EIF4G3: variants seen among roughly 807,000 people sequenced by gnomAD.
EIF4G3 encodes the protein eukaryotic translation initiation factor 4 gamma 3.
Under a neutral mutation model 186.4 loss-of-function variants are expected in EIF4G3, and 34 were observed. The observed-to-expected ratio is 0.18, with a 90% CI of 0.14 to 0.24. EIF4G3 has a LOEUF of 0.24. Ranked by LOEUF, EIF4G3 falls within the 10% of genes least tolerant of loss-of-function variation. EIF4G3 has a pLI of 1.00. For synonymous variants in EIF4G3, 673 were observed against 679.5 expected (o/e 0.99, Z 0.15); for missense variants, 1,536 against 1,948.5 (o/e 0.79, Z 3.99).
chr1:21,105,755 C>G (rs985035153), intron 2 of EIF4G3, among the ~76,000 whole-genome samples: 1 of 152,036 alleles, frequency 6.6e-6, no homozygotes, highest in Non-Finnish European at 1.5e-5. Context: ...AGGTGGGAAA[C>G]AGCTGTGATC....
At chr1:21,175,937 C>T in intron 2 of EIF4G3, 1 of 218,460 alleles carries the variant, frequency 4.6e-6, no homozygotes, top group East Asian at 1.0e-4. Context: ...GAAGGGGCTG[C>T]AGAAGCATGG....
intron 13 of EIF4G3, among the ~76,000 whole-genome samples, chr1:20,944,807 G>A (rs1472157200): frequency 1.3e-5 from 2 of 149,842 alleles, no homozygotes; most frequent in East Asian, 2.0e-4. Flanking sequence ...GGCCAAGGGG[G>A]AGGATCACTT....
At chr1:20,939,116 T>TAA (rs3051247) in intron 14 of EIF4G3, among the ~76,000 whole-genome samples, 56,853 of 129,606 alleles carry the variant, frequency 0.44, 13,023 homozygotes, top group East Asian at 0.75. Context: ...TAAAAAAAAT[T>TAA]AAAAAAAAAA....
At chr1:21,131,372 T>C (rs1283936690) in intron 2 of EIF4G3, among the ~76,000 whole-genome samples, 3 of 129,486 alleles carry the variant, frequency 2.3e-5, no homozygotes, top group African/African-American at 8.7e-5. Context: ...AATGGTATAA[T>C]ATATGTATAA....
At chr1:21,092,465 T>A (rs1424130645) in intron 2 of EIF4G3, among the ~76,000 whole-genome samples, 5 of 152,152 alleles carry the variant, frequency 3.3e-5, no homozygotes, top group Non-Finnish European at 7.4e-5. Context: ...GTTGTCAGGC[T>A]TTGGTATCAG....
At chr1:20,837,515 T>C (rs1413538924) in intron 30 of EIF4G3, among the ~76,000 whole-genome samples, 1 of 152,180 alleles carries the variant, frequency 6.6e-6, no homozygotes, top group Non-Finnish European at 1.5e-5. Context: ...GCTTTCTGCT[T>C]TCTAACCTTC....
At chr1:21,143,601 C>G (rs960185015) in intron 2 of EIF4G3, among the ~76,000 whole-genome samples, 4 of 151,960 alleles carry the variant, frequency 2.6e-5, no homozygotes, top group African/African-American at 9.7e-5. Context: ...TTCTGTAGCA[C>G]AAAATAAATT....
intron 31 of EIF4G3, 56 bp downstream of exon 31, chr1:20,829,091 G>GT: frequency 6.3e-7 from 1 of 1,577,518 alleles, no homozygotes; most frequent in Non-Finnish European, 8.7e-7. Flanking sequence ...GAGCTAGCAA[G>GT]TGAGTTATTA....
chr1:21,086,148 T>C (rs1179865681), intron 3 of EIF4G3, among the ~76,000 whole-genome samples: 1 of 151,512 alleles, frequency 6.6e-6, no homozygotes, highest in Non-Finnish European at 1.5e-5. Context: ...CAATAGGTGT[T>C]ACTGAGCCTT....
intron 2 of EIF4G3, among the ~76,000 whole-genome samples, chr1:21,170,163 T>G (rs2097927943): frequency 6.8e-6 from 1 of 146,094 alleles, no homozygotes; most frequent in Non-Finnish European, 1.5e-5. Context: ...GCGACAAGAG[T>G]GAAACTCCAT....
At chr1:21,173,169 G>A (rs1462011464) in intron 2 of EIF4G3, among the ~76,000 whole-genome samples, 25 of 128,030 alleles carry the variant, frequency 2.0e-4, no homozygotes, top group Admixed American at 3.2e-4. Context: ...AAAAAAAGAC[G>A]TGGGTTCCAA....
At chr1:20,980,994 C>A (rs891432498) in intron 9 of EIF4G3, 54 bp downstream of exon 9, 107 of 1,375,590 alleles carry the variant, frequency 7.8e-5, no homozygotes, top group Middle Eastern at 5.4e-4. Flanking sequence ...TGATGTGAAT[C>A]CGGGTTAATT....
intron 14 of EIF4G3, among the ~76,000 whole-genome samples, chr1:20,913,223 A>G (rs2093451716): frequency 6.6e-6 from 1 of 152,198 alleles, no homozygotes; most frequent in South Asian, 2.1e-4. Context: ...TCCTAGCACT[A>G]GAAACAAAAC....
rs796684581 is a variant in EIF4G3, at chr1:20,839,764, C to T, written c.4061+1092G>A. 5.3e-5 allele frequency among the ~76,000 whole-genome samples: 8 copies of T among 152,244 alleles called. 1 individual carries two copies. Among genetic ancestry groups the T allele is most frequent in the African/African-American group, 1.2e-4 (5 of 41,534 alleles). ...TCAGCCTCCCAAAGTGCTGGGATTA[C>T]AGGTGTGAGCCACTGCACCTGGCCA... On this transcript the variant is annotated intron_variant, in intron 30 of 36. Coordinates refer to ENST00000602326, the MANE Select transcript of EIF4G3 (RefSeq NM_001391906.1).
At chr1:20,927,307 G>C (rs2094974331) in intron 14 of EIF4G3, among the ~76,000 whole-genome samples, 1 of 152,096 alleles carries the variant, frequency 6.6e-6, no homozygotes, top group South Asian at 2.1e-4. Flanking sequence ...TGGGAGATTT[G>C]CAAAAAGATT....
chr1:20,875,971 C>A (rs1236785192), intron 20 of EIF4G3, among the ~76,000 whole-genome samples: 1 of 151,732 alleles, frequency 6.6e-6, no homozygotes, highest in Non-Finnish European at 1.5e-5. Context: ...TCTATGGTGC[C>A]AACACTTTGG....
rs1287213263 is a variant in EIF4G3, at chr1:21,093,506, C to T, written c.-271-4293G>A. 5.3e-5 allele frequency among the ~76,000 whole-genome samples: 8 copies of T among 151,768 alleles called. No homozygotes were observed. In the East Asian group the frequency reaches 5.8e-4, roughly 11 times the overall value. Reference sequence around the variant, plus strand: ...GAACACTTTTACACTGTTGGTGGGACGGTAAACTAGTTCAAACATTGTGGA... The same window carrying T: ...GAACACTTTTACACTGTTGGTGGGATGGTAAACTAGTTCAAACATTGTGGA... On this transcript the variant is annotated intron_variant, in intron 2 of 36. Coordinates refer to ENST00000602326, the MANE Select transcript of EIF4G3 (RefSeq NM_001391906.1).
At chr1:21,024,696 GCTC>G (rs2091764053) in intron 4 of EIF4G3, among the ~76,000 whole-genome samples, 1 of 150,198 alleles carries the variant, frequency 6.7e-6, no homozygotes, top group South Asian at 2.1e-4. Flanking sequence ...AAGGCAGCAT[GCTC>G]GTTAAGAGTC....
At chr1:21,109,736 C>A (rs1171086940) in intron 2 of EIF4G3, among the ~76,000 whole-genome samples, 1 of 152,102 alleles carries the variant, frequency 6.6e-6, no homozygotes, top group Admixed American at 6.6e-5. Flanking sequence ...TTTTTGAGGA[C>A]TAACACAACA....
Sources: allele counts gnomAD v4.1 joint callset (sites outside exome capture counted in the v4.1 genomes callset), GRCh38; gene constraint gnomAD v4.1.1; transcripts MANE v1.5; gene names NCBI Gene and HGNC (gene_info 2026-07-23, HGNC 2026-07-21).